Variants in SVEP1 observed in about 807,000 individuals in gnomAD.
SVEP1 encodes sushi, von Willebrand factor type A, EGF and pentraxin domain-containing protein 1.
Under a neutral mutation model 367.3 loss-of-function variants are expected in SVEP1, and 164 were observed. The observed-to-expected ratio is 0.45, with a 90% confidence interval of 0.39 to 0.51. The LOEUF is 0.51. Among genes scored for constraint, SVEP1 ranks in the 20% least tolerant of loss-of-function variants. The pLI is 0.00. For missense variants in SVEP1, 4,117 were observed against 4,425.3 expected (o/e 0.93, Z 1.98); for synonymous variants, 1,666 against 1,611.6 (o/e 1.03, Z -0.81).
At position 110,451,389 on chromosome 9, in the gene SVEP1, T is replaced by C; in HGVS notation, c.3801A>G (p.Glu1267=). ...CPSGYTGQRC[E]ENINECSSSP... ...TGGAGCTACACTCATTTATATTTTC[T>C]TCACACCGCTGACCTGCAAAGAATC... Residue 1267 remains glutamate, a synonymous_variant, in exon 23 of 48, where the codon GAA becomes GAG. Transcript: ENST00000374469. 6.2e-7 allele frequency: 1 copy of C among 1,613,194 alleles called. No individual in the cohort carries two copies. The highest frequency in any genetic ancestry group is 8.5e-7 in the Non-Finnish European group (1 of 1,179,396).
chr9:110,426,134 G>T (rs992951460), intron 36 of SVEP1, among the ~76,000 whole-genome samples: 1 of 152,102 alleles, frequency 6.6e-6, no homozygotes, highest in Non-Finnish European at 1.5e-5. Context: ...AGCCATTCCT[G>T]CATTGACATT....
intron 40 of SVEP1, among the ~76,000 whole-genome samples, chr9:110,392,151 A>ATATATATATATATATATATCTATC (rs1308038317): frequency 1.4e-5 from 2 of 146,092 alleles, no homozygotes; most frequent in African/African-American, 5.3e-5. Flanking sequence ...ATATATATAT[A>ATATATATATATATATATATCTATC]TATCTCTTCT....
chr9:110,411,586 A>G lies in SVEP1; in HGVS notation c.6125T>C (p.Ile2042Thr), dbSNP rs975240628. ...ACCATCAGAGCAGTAGTAGAATGCA[A>G]TGTCTCCAAAGAGCCGATGGGCAGT... is the stretch of plus-strand genomic sequence containing the variant. ...PETAHRLFGD[I>T]AFYYCSDGYS... is the part of the protein sequence containing the mutation. Residue 2042 changes from isoleucine to threonine, a missense_variant, in exon 37 of 48, where the codon ATT becomes ACT. Coordinates refer to ENST00000374469, the MANE Select transcript of SVEP1 (RefSeq NM_153366.4). The G allele has an allele frequency of 6.2e-7, 1 of 1,613,856 alleles. No individual in the cohort carries two copies. The highest frequency in any genetic ancestry group is 1.7e-5 in the Admixed American group (1 of 59,990).
chr9:110,532,024 CA>C (rs1217861689), intron 3 of SVEP1, among the ~76,000 whole-genome samples: 3 of 152,024 alleles, frequency 2.0e-5, no homozygotes, highest in Admixed American at 1.3e-4. Flanking sequence ...TTCACTTCTC[CA>C]AAAAAGGAAT....
chr9:110,465,790 C>T, intron 18 of SVEP1, 75 bp downstream of exon 18: 2 of 1,501,778 alleles, frequency 1.3e-6, no homozygotes, highest in Non-Finnish European at 1.8e-6. Flanking sequence ...TATGTTTTTG[C>T]AGAAAATATG....
chr9:110,377,589 A>C (rs1288112394), intron 44 of SVEP1, among the ~76,000 whole-genome samples: 1 of 152,214 alleles, frequency 6.6e-6, no homozygotes, highest in Admixed American at 6.5e-5. Flanking sequence ...GAGGTGCAAC[A>C]AATAAAAATT....
Position 110,445,895 on chromosome 9 carries a change from T to C in SVEP1, c.4405A>G (p.Ile1469Val), listed in dbSNP as rs946178763. 4 of 1,613,808 alleles carry C rather than the reference T, an allele frequency of 2.5e-6. No homozygotes were observed. In the African/African-American group the frequency reaches 4.0e-5, roughly 16 times the overall value. Residue 1469 changes from isoleucine to valine, a missense_variant, in exon 26 of 48, where the codon ATC becomes GTC. Transcript: ENST00000374469. ...SSDDMNYGTPISYAVDNGSDN... is the reference protein window; with the variant it reads ...SSDDMNYGTPVSYAVDNGSDN... ...CTGCCGTTATCAACTGCATAGGAGATTGGTGTTCCATAGTTCATGTCGTCA... is the reference window on the plus strand; with the variant it reads ...CTGCCGTTATCAACTGCATAGGAGACTGGTGTTCCATAGTTCATGTCGTCA...
intron 3 of SVEP1, among the ~76,000 whole-genome samples, chr9:110,534,895 T>G (rs1398448286): frequency 6.6e-6 from 1 of 152,160 alleles, no homozygotes; most frequent in East Asian, 1.9e-4. Context: ...TTTGTTTAAG[T>G]TCCTTATAGG....
At chr9:110,577,304 A>G (rs914786092) in intron 1 of SVEP1, among the ~76,000 whole-genome samples, 6 of 152,142 alleles carry the variant, frequency 3.9e-5, no homozygotes, top group Non-Finnish European at 8.8e-5. Context: ...AGAGAATGGG[A>G]TGAAATAGAA....
At position 110,406,409 on chromosome 9, in the gene SVEP1, C is replaced by T. The variant is rs1827955046; in HGVS notation, c.9191G>A (p.Cys3064Tyr). The change falls in exon 38 of 48, where the codon TGT becomes TAT. Residue 3064 changes from cysteine to tyrosine, a missense_variant. By Grantham distance (194) the Cys-to-Tyr change is radical (BLOSUM62 -2). Coordinates refer to ENST00000374469, the MANE Select transcript of SVEP1 (RefSeq NM_153366.4). ...SGFPHCEHTS[C>Y]GSLPMIPNAF... is the part of the protein sequence containing the mutation. The stretch of plus-strand genomic sequence containing the variant: ...ATTTGGTATCATTGGAAGAGAACCA[C>T]AAGAAGTGTGTTCACAGTGGGGGAA... 6.2e-7 allele frequency: 1 copy of T among 1,614,050 alleles called. No individual in the cohort carries two copies. The highest frequency in any genetic ancestry group is 8.5e-7 in the Non-Finnish European group (1 of 1,179,900).
chr9:110,560,594 G>A (rs1830415217), intron 1 of SVEP1, among the ~76,000 whole-genome samples: 1 of 152,086 alleles, frequency 6.6e-6, no homozygotes, highest in African/African-American at 2.4e-5. Flanking sequence ...AAGTTCCAGT[G>A]GCCCAGTATA....
intron 1 of SVEP1, among the ~76,000 whole-genome samples, chr9:110,563,683 G>A (rs532977092): frequency 6.6e-6 from 1 of 152,176 alleles, no homozygotes; most frequent in Non-Finnish European, 1.5e-5. Context: ...AGGGAGAAGA[G>A]CTAGTTCTCA....
In SVEP1 at chr9:110,430,477, A is replaced by G. The variant is rs1828334643; in HGVS notation, c.5354-27T>C. ...TAGAAACAGACAGTTTTGGTGGAAT[A>G]ATAAGTGGCTTTCACACAACCATGC... On this transcript the variant is annotated intron_variant, in intron 32 of 47. Coordinates refer to ENST00000374469, the MANE Select transcript of SVEP1 (RefSeq NM_153366.4). 5 of 1,585,556 alleles carry G rather than the reference A, an allele frequency of 3.2e-6. No homozygotes were observed. In the East Asian group the frequency reaches 1.1e-4, roughly 36 times the overall value.
rs74768727 is a variant in SVEP1, at chr9:110,502,576, T to C, written c.1483+462A>G. On this transcript the variant is annotated intron_variant, in intron 6 of 47. Coordinates refer to ENST00000374469, the MANE Select transcript of SVEP1 (RefSeq NM_153366.4). ...TCTTTCAATTTGCCTTGCAGTTGTT[T>C]TATTTTCCTAACTTTTCAGTTGAAT... Among the ~76,000 whole-genome samples, 762 of 152,338 alleles carry C rather than the reference T, an allele frequency of 5.0e-3. 4 individuals carry two copies. The highest frequency in any genetic ancestry group is 0.018 in the African/African-American group (732 of 41,580).
intron 42 of SVEP1, 140 bp downstream of exon 42, chr9:110,387,145 G>T (rs1588025040): frequency 1.3e-6 from 1 of 775,910 alleles, no homozygotes; most frequent in Non-Finnish European, 1.9e-6. Flanking sequence ...ATATCCCAGA[G>T]AATTCAGCTT....
intron 3 of SVEP1, among the ~76,000 whole-genome samples, chr9:110,540,477 T>C (rs901315054): frequency 1.6e-4 from 24 of 152,080 alleles, no homozygotes; most frequent in Non-Finnish European, 3.1e-4. Context: ...AAAATACCAA[T>C]GCTTTTGTAA....
Position 110,385,974 on chromosome 9 carries a change from A to G in SVEP1, c.10161T>C (p.Gly3387=). The G allele has an allele frequency of 6.2e-7, 1 of 1,613,572 alleles. No individual in the cohort carries two copies. Among genetic ancestry groups the G allele is most frequent in the Non-Finnish European group, 8.5e-7 (1 of 1,179,754 alleles). ...DQNVSIKCRE[G]FLLQGHGIIT... is the part of the protein sequence containing the mutation. ...TGATGCCGTGGCCCTGCAGCAGAAAACCTTCCCTACATTTGATGGACACAT... is the reference window on the plus strand; with the variant it reads ...TGATGCCGTGGCCCTGCAGCAGAAAGCCTTCCCTACATTTGATGGACACAT... The change falls in exon 43 of 48, where the codon GGT becomes GGC. Residue 3387 remains glycine, a synonymous_variant. Transcript: ENST00000374469.
chr9:110,514,128 A>G, intron 3 of SVEP1, 22 bp from the exon 4 acceptor site: 2 of 1,601,962 alleles, frequency 1.2e-6, no homozygotes, highest in Non-Finnish European at 1.7e-6. Context: ...CAAGCCGGAG[A>G]AGTCCATGTT....
chr9:110,480,048 A>G (rs1275240272), intron 12 of SVEP1, among the ~76,000 whole-genome samples: 1 of 152,220 alleles, frequency 6.6e-6, no homozygotes, highest in African/African-American at 2.4e-5. Context: ...ATACATAAAA[A>G]TTGTTTTCAT....
Sources: allele counts gnomAD v4.1 joint callset (sites outside exome capture counted in the v4.1 genomes callset), GRCh38; gene constraint gnomAD v4.1.1; transcripts MANE v1.5; gene names NCBI Gene and HGNC (gene_info 2026-07-23, HGNC 2026-07-21).